Variants in RNF220 observed in about 807,000 individuals in gnomAD.
RNF220 encodes E3 ubiquitin-protein ligase RNF220.
Under a neutral mutation model 67.1 loss-of-function variants are expected in RNF220, and 7 were observed. That is an observed-to-expected ratio of 0.10 (90% confidence interval 0.06 to 0.20). The LOEUF is 0.20. RNF220 is among the 10% of genes least tolerant of loss of function. RNF220 has a pLI of 1.00. For synonymous variants in RNF220, 270 were observed against 283.2 expected (o/e 0.95, Z 0.47); for missense variants, 565 against 740.3 (o/e 0.76, Z 2.75).
At chr1:44,625,952 A>T (rs1643927185) in intron 4 of RNF220, among the ~76,000 whole-genome samples, 2 of 151,986 alleles carry the variant, frequency 1.3e-5, no homozygotes, top group Non-Finnish European at 2.9e-5. Flanking sequence ...TTTACCCACA[A>T]CCCTTCATGG....
chr1:44,478,928 G>T (rs1655532953), intron 2 of RNF220, among the ~76,000 whole-genome samples: 1 of 152,030 alleles, frequency 6.6e-6, no homozygotes, highest in Admixed American at 6.6e-5. Flanking sequence ...ATCATCCTTG[G>T]ACATCACCCA....
chr1:44,584,767 C>G (rs1169963188), intron 2 of RNF220, among the ~76,000 whole-genome samples: 3 of 152,220 alleles, frequency 2.0e-5, no homozygotes, highest in African/African-American at 7.2e-5. Flanking sequence ...GGCGCCATCT[C>G]AGCTCGCTGC....
chr1:44,582,472 T>C (rs1444869680), intron 2 of RNF220, among the ~76,000 whole-genome samples: 2 of 151,618 alleles, frequency 1.3e-5, no homozygotes, highest in East Asian at 1.9e-4. Context: ...AAGAAGCGAG[T>C]GGTGCCGGGC....
chr1:44,550,838 A>G (rs951017184), intron 2 of RNF220, among the ~76,000 whole-genome samples: 2 of 152,038 alleles, frequency 1.3e-5, no homozygotes, highest in African/African-American at 4.8e-5. Flanking sequence ...AGTCCCTGCA[A>G]TGCTTCTCCA....
chr1:44,505,917 T>C (rs1265668278), intron 2 of RNF220, among the ~76,000 whole-genome samples: 1 of 151,510 alleles, frequency 6.6e-6, no homozygotes, highest in Non-Finnish European at 1.5e-5. Flanking sequence ...TGCCCCAGTC[T>C]CCGCCCTACT....
chr1:44,423,233 A>G (rs1402844118), intron 2 of RNF220, among the ~76,000 whole-genome samples: 1 of 152,236 alleles, frequency 6.6e-6, no homozygotes, highest in African/African-American at 2.4e-5. Flanking sequence ...ATTTATTCAA[A>G]GGAGCTAGGG....
At chr1:44,642,327 CAG>C (rs749007902) in intron 8 of RNF220, among the ~76,000 whole-genome samples, 2 of 152,178 alleles carry the variant, frequency 1.3e-5, no homozygotes, top group African/African-American at 2.4e-5. Context: ...TGGAGCCAAA[CAG>C]AGGATGAGCC....
intron 5 of RNF220, 84 bp from the exon 6 acceptor site, chr1:44,632,259 C>T (rs111993242): frequency 0.018 from 28,552 of 1,613,502 alleles, 318 homozygotes; most frequent in Non-Finnish European, 0.021. Context: ...GTCGGGGGTC[C>T]GGTGCTGGGG....
At chr1:44,503,333 CAAAAAAAAA>C (rs34103792) in intron 2 of RNF220, among the ~76,000 whole-genome samples, 2 of 84,498 alleles carry the variant, frequency 2.4e-5, no homozygotes. Context: ...GATGCTGTCT[CAAAAAAAAA>C]AAAAAAAAAA....
Position 44,529,213 on chromosome 1 carries a change from T to C in RNF220, c.626-84952T>C, listed in dbSNP as rs77761434. On this transcript the variant is annotated intron_variant, in intron 2 of 14. Transcript: ENST00000361799. ...AACCTAATGTTCCACAACAATAAAATGGTTAAATAAGTTATAGTATAATCA... is the reference window on the plus strand; with the variant it reads ...AACCTAATGTTCCACAACAATAAAACGGTTAAATAAGTTATAGTATAATCA... Among the ~76,000 whole-genome samples the C allele has an allele frequency of 6.9e-3, 1,043 of 152,192 alleles. 76 individuals are homozygous for C. The East Asian group carries it at 0.16, about 23-fold the overall frequency.
intron 2 of RNF220, among the ~76,000 whole-genome samples, chr1:44,584,458 A>T (rs1370963006): frequency 6.6e-6 from 1 of 152,194 alleles, no homozygotes; most frequent in Admixed American, 6.5e-5. Context: ...AAACAAGATC[A>T]TTGGGATGTT....
At chr1:44,555,618 G>A (rs1025012444) in intron 2 of RNF220, among the ~76,000 whole-genome samples, 3 of 150,590 alleles carry the variant, frequency 2.0e-5, no homozygotes, top group Non-Finnish European at 4.4e-5. Flanking sequence ...GGGACTACAG[G>A]CGCCTGCCAC....
At chr1:44,471,203 A>G (rs1654773424) in intron 2 of RNF220, among the ~76,000 whole-genome samples, 1 of 152,174 alleles carries the variant, frequency 6.6e-6, no homozygotes, top group Non-Finnish European at 1.5e-5. Context: ...AGGCTGGTGG[A>G]TCACCTGAGG....
intron 2 of RNF220, among the ~76,000 whole-genome samples, chr1:44,444,801 G>T (rs1389300024): frequency 1.3e-5 from 2 of 151,616 alleles, no homozygotes; most frequent in Non-Finnish European, 2.9e-5. Context: ...ATAATTCTTT[G>T]GTTCTTATGA....
At chr1:44,553,143 A>G (rs172018) in intron 2 of RNF220, among the ~76,000 whole-genome samples, 110,961 of 151,912 alleles carry the variant, frequency 0.73, 40,721 homozygotes, top group East Asian at 0.87. Context: ...TGTCCACCCC[A>G]CAAGAGTAGG....
intron 5 of RNF220, among the ~76,000 whole-genome samples, chr1:44,627,344 C>CAAAAAAAAA (rs35722890): frequency 2.4e-5 from 1 of 42,254 alleles, no homozygotes; most frequent in Non-Finnish European, 4.2e-5. Flanking sequence ...GACTCCGTCT[C>CAAAAAAAAA]AAAAAAAAAA....
chr1:44,432,133 C>T (rs1015340771), intron 2 of RNF220, among the ~76,000 whole-genome samples: 1 of 152,158 alleles, frequency 6.6e-6, no homozygotes, highest in Non-Finnish European at 1.5e-5. Flanking sequence ...TCATAATACC[C>T]TGTGTTTCCC....
chr1:44,484,959 C>T (rs1330333848), intron 2 of RNF220, among the ~76,000 whole-genome samples: 2 of 152,062 alleles, frequency 1.3e-5, no homozygotes, highest in Non-Finnish European at 2.9e-5. Context: ...CTGGCTAACA[C>T]GATGAAACCC....
chr1:44,508,222 C>T (rs887379656), intron 2 of RNF220, among the ~76,000 whole-genome samples: 2 of 151,252 alleles, frequency 1.3e-5, no homozygotes, highest in Admixed American at 6.6e-5. Context: ...TCGGGCCAGG[C>T]GGGGGACCCC....
Sources: gnomAD v4.1 joint callset for allele counts (sites outside exome capture counted in the v4.1 genomes callset) on GRCh38, gnomAD v4.1.1 for gene constraint, MANE v1.5 for transcripts, NCBI Gene and HGNC (gene_info 2026-07-23, HGNC 2026-07-21) for gene names.